The following CLASP1 variants were observed in gnomAD, a reference collection of about 807,000 sequenced individuals.
CLASP1 encodes the protein CLIP-associating protein 1.
In CLASP1, 38 loss-of-function variants were observed where a neutral mutation model predicts 192.3. That is an observed-to-expected ratio of 0.20 (90% CI 0.15 to 0.26). The LOEUF is 0.26. CLASP1 is among the 10% of genes least tolerant of loss of function. The probability of loss-of-function intolerance (pLI) is 1.00; values close to 1 mark genes in which losing one functional copy is unlikely to be tolerated. For synonymous variants in CLASP1, 691 were observed against 712.8 expected, an observed-to-expected ratio of 0.97 and a Z score of 0.49; for missense variants, 1,433 against 1,932.5, an observed-to-expected ratio of 0.74 and a Z score of 4.85.
chr2:121,493,934 AAGAC>A (rs1273215865), intron 8 of CLASP1, among the ~76,000 whole-genome samples: 1 of 152,242 alleles, frequency 6.6e-6, no homozygotes, highest in African/African-American at 2.4e-5. Flanking sequence ...TTTAATCCAA[AAGAC>A]AGGCAGTAAC....
chr2:121,392,465 A>G (rs770715422), intron 30 of CLASP1, among the ~76,000 whole-genome samples: 24 of 152,226 alleles, frequency 1.6e-4, no homozygotes, highest in Non-Finnish European at 3.4e-4. Context: ...AATGCCTGAG[A>G]TAAGTGTTAT....
chr2:121,492,851 A>G (rs2093379988), intron 8 of CLASP1, among the ~76,000 whole-genome samples: 1 of 152,128 alleles, frequency 6.6e-6, no homozygotes, highest in Non-Finnish European at 1.5e-5. Flanking sequence ...AAGAACTGAA[A>G]ACAGGTGTTT....
chr2:121,436,321 G>A lies in CLASP1; in HGVS notation c.1913-6144C>T, dbSNP rs1225069491. 4.6e-5 allele frequency among the ~76,000 whole-genome samples: 7 copies of A among 151,280 alleles called. No homozygotes were observed. In the East Asian group the frequency reaches 1.2e-3, roughly 26 times the overall value. ...CATTGGGATTAAGGCGTGAGCCACC[G>A]TACCTGGCCTTACTATGATATGTTT... On this transcript the variant is annotated intron_variant, in intron 19 of 39. Coordinates refer to ENST00000263710, the Ensembl canonical transcript of CLASP1.
intron 16 of CLASP1, among the ~76,000 whole-genome samples, chr2:121,450,015 G>T (rs2085120007): frequency 6.6e-6 from 1 of 152,120 alleles, no homozygotes; most frequent in African/African-American, 2.4e-5. Flanking sequence ...CAAAATTCTG[G>T]TATTTACAGT....
exon 38 of CLASP1, chr2:121,348,622 C>T (rs758107417): frequency 3.1e-6 from 5 of 1,613,770 alleles, no homozygotes; most frequent in South Asian, 1.1e-5. Context: ...ATGGGGTAGT[C>T]GGCCGTCTGG....
At chr2:121,348,480 CG>C (rs1207147739) in intron 38 of CLASP1, 31 bp downstream of exon 39, 3 of 1,567,684 alleles carry the variant, frequency 1.9e-6, no homozygotes, top group Admixed American at 1.8e-5. Flanking sequence ...CCACACAGGC[CG>C]GGGGCAGGCC....
At chr2:121,342,330 C>T (rs1287786767) in intron 39 of CLASP1, among the ~76,000 whole-genome samples, 1 of 152,092 alleles carries the variant, frequency 6.6e-6, no homozygotes, top group African/African-American at 2.4e-5. Flanking sequence ...GTTGACCAGG[C>T]TAGTCTTGAA....
At chr2:121,348,695 A>G (rs1360107211) in exon 38 of CLASP1, 4 of 1,610,202 alleles carry the variant, frequency 2.5e-6, no homozygotes, top group Non-Finnish European at 3.4e-6. Flanking sequence ...GTGTGGACGC[A>G]GCCTCCTCAG....
rs1305629224 is a variant in CLASP1, at chr2:121,530,957, C to T, written c.196-632G>A. The stretch of plus-strand genomic sequence containing the variant: ...CAGTACTGCTAACGCCTGAACAACA[C>T]ACCCGCATCAACTAGAGCTTTTGCT... On this transcript the variant is annotated intron_variant, in intron 2 of 39. Transcript: ENST00000263710. 1.9e-5 allele frequency: 13 copies of T among 700,290 alleles called. No individual in the cohort carries two copies. Among genetic ancestry groups the T allele is most frequent in the South Asian group, 7.4e-5 (5 of 67,514 alleles). 43.4% of individuals were successfully genotyped at this position (700,290 alleles called of 1,614,324 possible).
At chr2:121,339,063 C>G (rs763308712) in exon 40 of CLASP1, 1 of 152,580 alleles carries the variant, frequency 6.6e-6, no homozygotes, top group African/African-American at 2.4e-5. Flanking sequence ...ACGCGTCCCT[C>G]AAGTTCCCTA....
chr2:121,581,671 G>A (rs559951616), intron 2 of CLASP1, among the ~76,000 whole-genome samples: 1 of 152,326 alleles, frequency 6.6e-6, no homozygotes, highest in South Asian at 2.1e-4. Context: ...GATTGCTTGA[G>A]CCGAGGAGTT....
intron 10 of CLASP1, 38 bp from the exon 11 acceptor site, chr2:121,461,231 T>A (rs776024695): frequency 8.8e-7 from 1 of 1,136,762 alleles, no homozygotes; most frequent in South Asian, 1.4e-5. Flanking sequence ...TATAAAAACA[T>A]GCAGAATAAA....
chr2:121,387,751 C>T lies in CLASP1; in HGVS notation c.3267+12G>A. 1 of 1,613,830 alleles carries T rather than the reference C, an allele frequency of 6.2e-7. No individual in the cohort carries two copies. The highest frequency in any genetic ancestry group is 8.5e-7 in the Non-Finnish European group (1 of 1,179,786). Reference sequence around the variant, plus strand: ...ACATCACATAGGCACCAATCGTGACCAAAGCACTCACCACACTGGTGTTAC... The same window carrying T: ...ACATCACATAGGCACCAATCGTGACTAAAGCACTCACCACACTGGTGTTAC... On this transcript the variant is annotated intron_variant, in intron 31 of 39. Coordinates refer to ENST00000263710, the Ensembl canonical transcript of CLASP1.
chr2:121,471,321 T>A (rs1309392691), intron 8 of CLASP1, among the ~76,000 whole-genome samples: 1 of 152,096 alleles, frequency 6.6e-6, no homozygotes, highest in Admixed American at 6.6e-5. Context: ...AAAATCAACA[T>A]ATTTATGCAA....
At chr2:121,372,411 C>T (rs572088462) in intron 34 of CLASP1, among the ~76,000 whole-genome samples, 2 of 152,322 alleles carry the variant, frequency 1.3e-5, no homozygotes, top group East Asian at 3.9e-4. Context: ...TAGTTATCTT[C>T]AAGCAACTAA....
chr2:121,614,258 G>A (rs1292497253), intron 1 of CLASP1, among the ~76,000 whole-genome samples: 1 of 152,250 alleles, frequency 6.6e-6, no homozygotes, highest in Non-Finnish European at 1.5e-5. Flanking sequence ...CACTTTGGGA[G>A]GCCAAGGCAG....
intron 9 of CLASP1, among the ~76,000 whole-genome samples, chr2:121,469,354 G>A (rs2090253666): frequency 6.6e-6 from 1 of 152,118 alleles, no homozygotes; most frequent in Non-Finnish European, 1.5e-5. Flanking sequence ...ATACACACAT[G>A]CCCCAATACC....
At chr2:121,523,059 C>T (rs1203601386) in intron 6 of CLASP1, among the ~76,000 whole-genome samples, 2 of 152,206 alleles carry the variant, frequency 1.3e-5, no homozygotes, top group African/African-American at 4.8e-5. Context: ...GCACTTCCCA[C>T]TGACTCCACT....
intron 2 of CLASP1, among the ~76,000 whole-genome samples, chr2:121,579,012 A>G (rs377255486): frequency 6.6e-6 from 1 of 152,360 alleles, no homozygotes; most frequent in African/African-American, 2.4e-5. Flanking sequence ...TTTTAAAGAC[A>G]GAATTCAGTC....
Sources: gnomAD v4.1 joint callset for allele counts (sites outside exome capture counted in the v4.1 genomes callset) on GRCh38, gnomAD v4.1.1 for gene constraint, MANE v1.5 for transcripts, NCBI Gene and HGNC (gene_info 2026-07-23, HGNC 2026-07-21) for gene names.